Variants in CA10 observed in about 807,000 individuals in gnomAD.
CA10 encodes the protein carbonic anhydrase-related protein 10.
A neutral mutation model predicts 44.2 loss-of-function variants in CA10; 14 were observed. The ratio of observed to expected loss-of-function variants is 0.32; its 90% CI spans 0.21 to 0.50. The LOEUF (loss-of-function observed/expected upper bound fraction) is 0.50. CA10 is among the 20% of genes least tolerant of loss of function. The pLI is 0.99. For missense variants in CA10, 350 were observed against 409.7 expected, an observed-to-expected ratio of 0.85 and a Z score of 1.26; for synonymous variants, 159 against 141.6, an observed-to-expected ratio of 1.12 and a Z score of -0.87.
At chr17:51,976,216 G>C (rs552207985) in intron 2 of CA10, among the ~76,000 whole-genome samples, 2 of 152,266 alleles carry the variant, frequency 1.3e-5, no homozygotes, top group South Asian at 4.1e-4. Context: ...GTTAAAAACA[G>C]TAACACCAGT....
chr17:51,908,107 A>G (rs1423896906), intron 3 of CA10, among the ~76,000 whole-genome samples: 2 of 152,154 alleles, frequency 1.3e-5, no homozygotes, highest in African/African-American at 4.8e-5. Context: ...TCTCTGACCC[A>G]CAAACACTAC....
intron 2 of CA10, among the ~76,000 whole-genome samples, chr17:52,060,793 A>C (rs1260593828): frequency 6.6e-6 from 1 of 152,210 alleles, no homozygotes; most frequent in Non-Finnish European, 1.5e-5. Flanking sequence ...TCAAATTTAT[A>C]CATATTTGTA....
chr17:51,631,762 C>T (rs950798370), intron 8 of CA10, among the ~76,000 whole-genome samples, 156 bp from the exon 9 acceptor site: 8 of 152,154 alleles, frequency 5.3e-5, no homozygotes, highest in Non-Finnish European at 8.8e-5. Context: ...TACTCCCTTC[C>T]AATTCTCCAT....
intron 2 of CA10, among the ~76,000 whole-genome samples, chr17:51,988,559 T>C (rs76921463): frequency 0.021 from 3,125 of 152,070 alleles, 108 homozygotes; most frequent in African/African-American, 0.071. Context: ...CTTTTAAAAC[T>C]GTCATGCAGT....
chr17:51,643,867 T>A (rs547295140), intron 6 of CA10, among the ~76,000 whole-genome samples: 1 of 152,344 alleles, frequency 6.6e-6, no homozygotes, highest in Non-Finnish European at 1.5e-5. Context: ...TTACCTTGTT[T>A]GATTCTCATG....
At chr17:52,150,206 C>G (rs898970143) in intron 1 of CA10, among the ~76,000 whole-genome samples, 1 of 152,098 alleles carries the variant, frequency 6.6e-6, no homozygotes, top group African/African-American at 2.4e-5. Context: ...AAATCTTCCA[C>G]GACAACTCTT....
intron 3 of CA10, among the ~76,000 whole-genome samples, chr17:51,811,489 A>T (rs900790560): frequency 1.3e-5 from 2 of 152,224 alleles, no homozygotes; most frequent in South Asian, 4.2e-4. Context: ...CCTGTGTCCA[A>T]GTAATCTCAT....
At chr17:51,743,980 T>C (rs577859239) in intron 4 of CA10, among the ~76,000 whole-genome samples, 63 of 152,374 alleles carry the variant, frequency 4.1e-4, no homozygotes, top group African/African-American at 1.4e-3. Context: ...ATGTTGACTT[T>C]TACTGAGGCT....
intron 2 of CA10, among the ~76,000 whole-genome samples, chr17:51,964,790 C>T (rs556145670): frequency 1.6e-4 from 24 of 152,016 alleles, no homozygotes; most frequent in African/African-American, 5.8e-4. Flanking sequence ...CACTAAATCC[C>T]TACCTCAAAA....
intron 3 of CA10, among the ~76,000 whole-genome samples, chr17:51,913,909 C>G (rs924201459): frequency 2.0e-5 from 3 of 152,108 alleles, no homozygotes; most frequent in Non-Finnish European, 4.4e-5. Context: ...AAATTTCCAT[C>G]TATTACCATT....
At chr17:52,159,294 G>A (rs147938084), upstream of CA10, 1 of 152,016 alleles carries the variant, frequency 6.6e-6, no homozygotes, top group East Asian at 1.9e-4. Context: ...TTTCTCTGCA[G>A]GTTCCTAGAC....
intron 2 of CA10, among the ~76,000 whole-genome samples, chr17:52,064,011 A>T (rs1987464875): frequency 6.6e-6 from 1 of 152,238 alleles, no homozygotes; most frequent in African/African-American, 2.4e-5. Context: ...TCAGTTAATA[A>T]AAAGGCATGT....
chr17:51,766,096 C>T (rs1347204133), intron 3 of CA10, among the ~76,000 whole-genome samples: 2 of 152,072 alleles, frequency 1.3e-5, no homozygotes, highest in Non-Finnish European at 2.9e-5. Flanking sequence ...GGGTTGCCTA[C>T]GAGGTATGAG....
chr17:51,883,213 CAAATCAACTT>C (rs1305587649), intron 3 of CA10, among the ~76,000 whole-genome samples: 1 of 152,108 alleles, frequency 6.6e-6, no homozygotes, highest in Non-Finnish European at 1.5e-5. Flanking sequence ...AACACTCATG[CAAATCAACTT>C]AAAAATAATA....
intron 1 of CA10, among the ~76,000 whole-genome samples, chr17:52,150,087 G>A (rs544393064): frequency 3.9e-5 from 6 of 152,014 alleles, no homozygotes; most frequent in African/African-American, 1.2e-4. Flanking sequence ...CTTTTTGACC[G>A]TCTCCTGAAT....
In CA10 at chr17:51,800,226, G is replaced by A. The variant is rs554621732; in HGVS notation, c.280-52408C>T. 3.3e-5 allele frequency among the ~76,000 whole-genome samples: 5 copies of A among 152,256 alleles called. No individual in the cohort carries two copies. In the South Asian group the frequency reaches 6.2e-4, roughly 19 times the overall value. ...CATGAATGAACCTTGAAAACATTAC[G>A]TTAAATGCAGGAAAACAGACACAAA... On this transcript the variant is annotated intron_variant, in intron 3 of 8. Transcript: ENST00000451037.
intron 4 of CA10, among the ~76,000 whole-genome samples, chr17:51,690,020 T>C (rs1042315492): frequency 3.9e-5 from 6 of 152,016 alleles, no homozygotes; most frequent in African/African-American, 1.5e-4. Context: ...TGATCTTGGC[T>C]CACTGCAACC....
intron 4 of CA10, among the ~76,000 whole-genome samples, chr17:51,668,312 A>C (rs546495396): frequency 1.4e-4 from 22 of 152,230 alleles, no homozygotes; most frequent in Admixed American, 3.9e-4. Flanking sequence ...AGCATTTCTC[A>C]GTCCAGAGAG....
intron 3 of CA10, among the ~76,000 whole-genome samples, chr17:51,871,306 A>G (rs1415810157): frequency 6.7e-6 from 1 of 150,192 alleles, no homozygotes; most frequent in Non-Finnish European, 1.5e-5. Flanking sequence ...ATCTCAGCTC[A>G]CTGCAACCTT....
Sources: gnomAD v4.1 joint callset for allele counts (sites outside exome capture counted in the v4.1 genomes callset) on GRCh38, gnomAD v4.1.1 for gene constraint, MANE v1.5 for transcripts, NCBI Gene and HGNC (gene_info 2026-07-23, HGNC 2026-07-21) for gene names.